The following STS variants were observed in gnomAD, a reference collection of about 807,000 sequenced individuals.
STS encodes steroid sulfatase.
STS carries 7 observed loss-of-function variants against 26.8 expected under a neutral mutation model. That is an observed-to-expected ratio of 0.26 (90% confidence interval 0.15 to 0.49). The LOEUF (loss-of-function observed/expected upper bound fraction) is 0.49, where lower values mean the gene tolerates loss of function less well. Ranked by LOEUF, STS falls within the 20% of genes least tolerant of loss-of-function variation. The pLI is 0.98. For missense variants in STS, 434 were observed against 465.6 expected (o/e 0.93, Z 0.63); for synonymous variants, 199 against 189.4 (o/e 1.05, Z -0.42).
intron 9 of STS, 48 bp from the exon 10 acceptor site, chrX:7,333,938 G>A: frequency 1.7e-6 from 2 of 1,209,789 alleles, no homozygotes; most frequent in Non-Finnish European, 2.2e-6. Flanking sequence ...GGACATTTGA[G>A]AACACAGGAC....
chrX:7,282,236 T>C (rs1246323522), intron 7 of STS, among the ~76,000 whole-genome samples: 16 of 112,072 alleles, frequency 1.4e-4, no homozygotes, highest in Non-Finnish European at 3.8e-5. Context: ...GATCTTGCTC[T>C]GTCACCCAGG....
intron 7 of STS, among the ~76,000 whole-genome samples, chrX:7,282,142 G>A (rs976352236): frequency 8.9e-6 from 1 of 112,290 alleles, no homozygotes; most frequent in Admixed American, 9.4e-5. Context: ...GAAAGAATGG[G>A]AGCTTGCATC....
chrX:7,149,884 T>C (rs1415414085), intron 1 of STS, among the ~76,000 whole-genome samples: 1 of 112,181 alleles, frequency 8.9e-6, no homozygotes, highest in Non-Finnish European at 1.9e-5. Context: ...CTTATTGGAC[T>C]AAGGACCACC....
chrX:7,328,995 C>T (rs1414292884), intron 9 of STS, among the ~76,000 whole-genome samples: 15 of 111,829 alleles, frequency 1.3e-4, no homozygotes, highest in African/African-American at 4.9e-4. Flanking sequence ...GACGCCCGGC[C>T]AGTTGACCTG....
chrX:7,281,065 C>G (rs1924833893), intron 7 of STS, among the ~76,000 whole-genome samples: 1 of 109,811 alleles, frequency 9.1e-6, no homozygotes, highest in Non-Finnish European at 1.9e-5. Context: ...ACTTGGGAGG[C>G]TGAGATGGAA....
intron 7 of STS, among the ~76,000 whole-genome samples, chrX:7,282,398 A>T (rs61262078): frequency 9.0e-4 from 101 of 112,011 alleles, no homozygotes; most frequent in African/African-American, 3.2e-3. Context: ...ACAAGGTCTC[A>T]CTATGTTGCC....
chrX:7,205,663 G>C (rs1337919297), intron 2 of STS, among the ~76,000 whole-genome samples: 2 of 72,429 alleles, frequency 2.8e-5, no homozygotes, highest in Non-Finnish European at 5.2e-5. Context: ...TTTTGAGACA[G>C]TTTCTTGCTC....
Position 7,186,918 on chromosome X carries a change from G to A in STS, c.-133-3962G>A, listed in dbSNP as rs143168442. On this transcript the variant is annotated intron_variant, in intron 1 of 10. Coordinates refer to ENST00000674429, the MANE Select transcript of STS (RefSeq NM_001320752.2). ...TGAGGAAAGGAAATTGAGGCCAAGG[G>A]AGGAGTTGAGCAGCACAGCTGTTGC... 4.7e-3 allele frequency among the ~76,000 whole-genome samples: 528 copies of A among 111,657 alleles called. 6 individuals carry two copies. The highest frequency in any genetic ancestry group is 0.016 in the African/African-American group (495 of 30,745).
At chrX:7,254,674 A>C (rs1923317966) in intron 3 of STS, among the ~76,000 whole-genome samples, 1 of 97,236 alleles carries the variant, frequency 1.0e-5, no homozygotes, top group African/African-American at 4.0e-5. Flanking sequence ...ATCTCTGCCT[A>C]CTAGGTTGAA....
intron 7 of STS, among the ~76,000 whole-genome samples, chrX:7,288,639 C>CGTGTGTGTGTGT (rs58375124): frequency 2.2e-5 from 2 of 89,559 alleles, no homozygotes; most frequent in African/African-American, 8.0e-5. Context: ...AAATTCTGTA[C>CGTGTGTGTGTGT]GTGTGTGTGT....
At chrX:7,266,534 G>C (rs975686520) in intron 6 of STS, among the ~76,000 whole-genome samples, 9 of 111,695 alleles carry the variant, frequency 8.1e-5, no homozygotes, top group African/African-American at 2.9e-4. Context: ...ACTCATTCAG[G>C]GATAAATTTA....
chrX:7,192,321 T>A (rs1933889349), intron 2 of STS, among the ~76,000 whole-genome samples: 1 of 111,702 alleles, frequency 9.0e-6, no homozygotes, highest in Non-Finnish European at 1.9e-5. Flanking sequence ...CGCGGCACTT[T>A]GGGAGGCCGA....
At chrX:7,306,372 C>CATGGA (rs1926216651) in intron 8 of STS, among the ~76,000 whole-genome samples, 1 of 111,056 alleles carries the variant, frequency 9.0e-6, no homozygotes, top group Non-Finnish European at 1.9e-5. Context: ...GTTGAAGGTA[C>CATGGA]AAGAAGAGAT....
chrX:7,331,643 G>A (rs1370308617), intron 9 of STS, among the ~76,000 whole-genome samples: 1 of 111,598 alleles, frequency 9.0e-6, no homozygotes, highest in African/African-American at 3.3e-5. Context: ...GAAATGTGCT[G>A]TTCTCTGGGT....
intron 2 of STS, among the ~76,000 whole-genome samples, chrX:7,238,185 GA>G (rs1922418390): frequency 1.6e-5 from 1 of 64,166 alleles, no homozygotes; most frequent in African/African-American, 4.9e-5. Context: ...GGTGTAGATA[GA>G]TAGATAGATA....
At chrX:7,208,528 A>T (rs1185912791) in intron 2 of STS, among the ~76,000 whole-genome samples, 1 of 112,180 alleles carries the variant, frequency 8.9e-6, no homozygotes, top group Non-Finnish European at 1.9e-5. Flanking sequence ...CAGTGATAAC[A>T]AAAACTGCTG....
chrX:7,208,537 T>A (rs1196269976), intron 2 of STS, among the ~76,000 whole-genome samples: 1 of 112,169 alleles, frequency 8.9e-6, no homozygotes, highest in Non-Finnish European at 1.9e-5. Flanking sequence ...CAAAAACTGC[T>A]GTTTTTCAGC....
intron 7 of STS, among the ~76,000 whole-genome samples, chrX:7,295,602 C>T (rs1485977087): frequency 2.7e-5 from 3 of 110,687 alleles, no homozygotes; most frequent in Non-Finnish European, 5.7e-5. Context: ...ACTAGCTCAC[C>T]TTATATTTAA....
intron 7 of STS, among the ~76,000 whole-genome samples, chrX:7,281,182 T>C: frequency 9.2e-6 from 1 of 108,447 alleles, no homozygotes; most frequent in South Asian, 3.9e-4. Flanking sequence ...AAAAAAAGCC[T>C]TGCTATGGAA....
Sources: gnomAD v4.1 joint callset for allele counts (sites outside exome capture counted in the v4.1 genomes callset) on GRCh38, gnomAD v4.1.1 for gene constraint, MANE v1.5 for transcripts, NCBI Gene and HGNC (gene_info 2026-07-23, HGNC 2026-07-21) for gene names.